The following ZBTB8A variants were observed in gnomAD, a reference collection of about 807,000 sequenced individuals.
ZBTB8A encodes the protein zinc finger and BTB domain containing 8A, also known as zinc finger and BTB domain-containing protein 8A.
Under a neutral mutation model 37.8 loss-of-function variants are expected in ZBTB8A, and 19 were observed. The observed-to-expected ratio is 0.50, with a 90% CI of 0.35 to 0.74. The LOEUF is 0.74. ZBTB8A is among the 30% of genes least tolerant of loss of function. The pLI is 0.01. For synonymous variants in ZBTB8A, 181 were observed against 185.2 expected (o/e 0.98, Z 0.19); for missense variants, 394 against 537.8 (o/e 0.73, Z 2.65).
At chr1:32,544,127 C>T (rs1293995325) in intron 1 of ZBTB8A, among the ~76,000 whole-genome samples, 2 of 152,212 alleles carry the variant, frequency 1.3e-5, no homozygotes, top group Admixed American at 1.3e-4. Flanking sequence ...CGCCACCGTT[C>T]CCAGCCAGCA....
chr1:32,595,224 G>T lies in ZBTB8A; in HGVS notation c.993+1G>T. The T allele has an allele frequency of 6.3e-7, 1 of 1,596,396 alleles. No homozygotes were observed. The highest frequency in any genetic ancestry group is 8.5e-7 in the Non-Finnish European group (1 of 1,175,376). On this transcript the variant is annotated splice_donor_variant, in intron 4 of 4. Transcript: ENST00000373510. LOFTEE classifies it high-confidence loss of function. ...CCATCTAAGTAGCCATTTTCGAACA[G>T]TATGTATGATTTTTTTTCATCGTTT...
chr1:32,599,199 G>T (rs1449902042), intron 4 of ZBTB8A, among the ~76,000 whole-genome samples: 2 of 128,432 alleles, frequency 1.6e-5, no homozygotes, highest in Non-Finnish European at 3.3e-5. Context: ...TGCACCCCCC[G>T]CCCCCACCTC....
intron 2 of ZBTB8A, among the ~76,000 whole-genome samples, chr1:32,564,809 G>A (rs752706850): frequency 6.6e-5 from 10 of 152,056 alleles, no homozygotes; most frequent in East Asian, 5.8e-4. Context: ...AACACATGTA[G>A]TATATCATTT....
chr1:32,584,037 T>C (rs995828882), intron 2 of ZBTB8A, among the ~76,000 whole-genome samples: 4 of 152,068 alleles, frequency 2.6e-5, no homozygotes, highest in Admixed American at 1.3e-4. Context: ...GGATTACAGG[T>C]GTAAGCCACC....
intron 2 of ZBTB8A, among the ~76,000 whole-genome samples, chr1:32,573,738 CTTTT>C (rs753573244): frequency 4.2e-5 from 4 of 95,028 alleles, no homozygotes; most frequent in Admixed American, 1.2e-4. Flanking sequence ...CCAGCTAAAA[CTTTT>C]TTTTTTTTTT....
intron 1 of ZBTB8A, among the ~76,000 whole-genome samples, chr1:32,551,492 T>A (rs916851125): frequency 1.3e-5 from 2 of 151,642 alleles, no homozygotes; most frequent in Non-Finnish European, 2.9e-5. Context: ...AGGCGGGTGG[T>A]TCACCTGAGG....
At chr1:32,566,224 A>G (rs972795241) in intron 2 of ZBTB8A, among the ~76,000 whole-genome samples, 3 of 143,746 alleles carry the variant, frequency 2.1e-5, no homozygotes, top group East Asian at 2.1e-4. Context: ...AAAAAAGAAT[A>G]ATTCTACAGC....
At chr1:32,593,859 C>G (rs749074353) in intron 3 of ZBTB8A, 105 bp downstream of exon 3, 3 of 881,670 alleles carry the variant, frequency 3.4e-6, no homozygotes, top group Non-Finnish European at 5.1e-6. Flanking sequence ...GCAGTTGAAG[C>G]AAGTGATTTT....
intron 1 of ZBTB8A, among the ~76,000 whole-genome samples, chr1:32,552,810 GTA>G (rs1243368064): frequency 1.3e-5 from 2 of 150,376 alleles, no homozygotes; most frequent in Non-Finnish European, 3.0e-5. Context: ...TATATAAAAT[GTA>G]TATATGTCTT....
chr1:32,596,458 A>G (rs1450368816), intron 4 of ZBTB8A, among the ~76,000 whole-genome samples: 1 of 151,252 alleles, frequency 6.6e-6, no homozygotes, highest in African/African-American at 2.4e-5. Context: ...GCGCACACCT[A>G]TAATCCCAGC....
intron 2 of ZBTB8A, among the ~76,000 whole-genome samples, chr1:32,567,282 A>C (rs1644287060): frequency 6.6e-6 from 1 of 152,126 alleles, no homozygotes; most frequent in African/African-American, 2.4e-5. Context: ...GAACAGCAAG[A>C]GGGAAATCCG....
intron 4 of ZBTB8A, among the ~76,000 whole-genome samples, chr1:32,597,812 C>T (rs1644544443): frequency 6.6e-6 from 1 of 152,076 alleles, no homozygotes; most frequent in African/African-American, 2.4e-5. Flanking sequence ...TGCAGTGGCA[C>T]GATCTCAGCT....
chr1:32,559,215 C>G (rs551987283), intron 2 of ZBTB8A, among the ~76,000 whole-genome samples: 1 of 151,044 alleles, frequency 6.6e-6, no homozygotes, highest in Non-Finnish European at 1.5e-5. Flanking sequence ...GGGTTCAAGC[C>G]TTTTTCGTGC....
In ZBTB8A at chr1:32,600,601, A is replaced by T. The variant is rs1644568811; in HGVS notation, c.*182A>T. 1 of 576,170 alleles carries T rather than the reference A, an allele frequency of 1.7e-6. No individual in the cohort carries two copies. Among genetic ancestry groups the T allele is most frequent in the Non-Finnish European group, 3.0e-6 (1 of 328,058 alleles). 35.7% of individuals were successfully genotyped at this position (576,170 alleles called of 1,614,324 possible). A position where few individuals can be genotyped will look rare whatever the true frequency, so the allele number is the denominator to read the frequency against. The stretch of plus-strand genomic sequence containing the variant: ...ATCCATTCTGAACTTTGTTGCCCTA[A>T]AATGTGTTGCTGCACTGGAAAGAAA... On this transcript the variant is annotated 3_prime_UTR_variant, in exon 5 of 5. Transcript: ENST00000373510.
rs909609306 is a variant in ZBTB8A at position 32,602,542 on chromosome 1, T to A, written c.*2123T>A. On this transcript the variant is annotated 3_prime_UTR_variant, in exon 5 of 5. Transcript: ENST00000373510. ...GGAGAGGCTCCATCTATTTTACTGT[T>A]TTCTTTTTTGTTTTTGTTTTTTTTT... 1 of 152,054 alleles carries A rather than the reference T, an allele frequency of 6.6e-6. No individual in the cohort carries two copies. The highest frequency in any genetic ancestry group is 2.4e-5 in the African/African-American group (1 of 41,400). The allele number at this position is 152,054 out of a possible 1,614,324, so 9.4% of individuals were successfully genotyped here.
At chr1:32,551,225 G>A (rs112253118) in intron 1 of ZBTB8A, among the ~76,000 whole-genome samples, 17 of 152,162 alleles carry the variant, frequency 1.1e-4, no homozygotes, top group Middle Eastern at 3.4e-3. Context: ...TTGAGCCTAG[G>A]ATTTCAAGAC....
At chr1:32,599,517 G>T (rs1446234538) in intron 4 of ZBTB8A, among the ~76,000 whole-genome samples, 2 of 152,024 alleles carry the variant, frequency 1.3e-5, no homozygotes, top group African/African-American at 4.8e-5. Context: ...AGGAGTTTGA[G>T]ACCAGCCTGA....
At chr1:32,582,931 A>G (rs764849302) in intron 2 of ZBTB8A, among the ~76,000 whole-genome samples, 4 of 152,200 alleles carry the variant, frequency 2.6e-5, no homozygotes, top group Non-Finnish European at 4.4e-5. Flanking sequence ...TTCGAAGCCC[A>G]TTACTAGTAG....
intron 2 of ZBTB8A, among the ~76,000 whole-genome samples, chr1:32,565,617 C>T (rs1306632900): frequency 6.6e-6 from 1 of 152,146 alleles, no homozygotes; most frequent in African/African-American, 2.4e-5. Flanking sequence ...TCACCTACTG[C>T]AGTCCAACCT....
Sources: gnomAD v4.1 joint callset for allele counts (sites outside exome capture counted in the v4.1 genomes callset) on GRCh38, gnomAD v4.1.1 for gene constraint, MANE v1.5 for transcripts, NCBI Gene and HGNC (gene_info 2026-07-23, HGNC 2026-07-21) for gene names.